The following VGLL3 variants were observed in gnomAD, a reference collection of about 807,000 sequenced individuals.
VGLL3 encodes the protein vestigial like family member 3, also known as transcription cofactor vestigial-like protein 3.
VGLL3 carries 18 observed loss-of-function variants against 29.2 expected under a neutral mutation model. The observed-to-expected ratio is 0.62, with a 90% CI of 0.43 to 0.91. The LOEUF is 0.91. VGLL3 is among the 40% of genes least tolerant of loss of function. VGLL3 has a pLI of 0.00. For synonymous variants in VGLL3, 180 were observed against 151.8 expected (o/e 1.19, Z -1.36); for missense variants, 440 against 413.2 (o/e 1.06, Z -0.56).
chr3:86,975,029 A>T (rs1705179282), intron 2 of VGLL3, among the ~76,000 whole-genome samples: 1 of 152,226 alleles, frequency 6.6e-6, no homozygotes. Flanking sequence ...TTATTCATAT[A>T]CATTATTTAA....
intron 3 of VGLL3, among the ~76,000 whole-genome samples, chr3:86,952,075 TG>T (rs1391683957): frequency 6.6e-6 from 1 of 152,146 alleles, no homozygotes; most frequent in African/African-American, 2.4e-5. Flanking sequence ...ACTTATCAAC[TG>T]GACAGTTTTT....
intron 3 of VGLL3, among the ~76,000 whole-genome samples, chr3:86,966,512 CA>C (rs1020988731): frequency 7.9e-5 from 12 of 151,834 alleles, no homozygotes; most frequent in Non-Finnish European, 1.8e-4. Flanking sequence ...GCCACACATG[CA>C]ATAGGAAAAC....
Position 86,968,980 on chromosome 3 carries a change from C to T in VGLL3, c.547G>A (p.Asp183Asn). The T allele has an allele frequency of 6.2e-7, 1 of 1,614,072 alleles. No individual in the cohort carries two copies. Among genetic ancestry groups the T allele is most frequent in the Non-Finnish European group, 8.5e-7 (1 of 1,180,008 alleles). The change falls in exon 3 of 4, where the codon GAT becomes AAT. Residue 183 changes from aspartate to asparagine, a missense_variant. Physicochemically the swap from Asp to Asn is conservative, Grantham distance 23 (BLOSUM62 1). Coordinates refer to ENST00000398399, the MANE Select transcript of VGLL3 (RefSeq NM_016206.4). ...TGPPGTFSAA[D>N]PSPWPGHNLH... ...TTGTGTCCCGGCCAAGGACTGGGAT[C>T]AGCTGCAGAAAAGGTGCCAGGGGGT...
chr3:86,940,428 T>C lies in VGLL3; in HGVS notation c.*6596A>G, dbSNP rs573246839. On this transcript the variant is annotated 3_prime_UTR_variant, in exon 4 of 4. Coordinates refer to ENST00000398399, the MANE Select transcript of VGLL3 (RefSeq NM_016206.4). ...CCCCATTTCATTTTCTTTTCCATTATAAACATGTATTTTATAATCTATTCC... is the reference window on the plus strand; with the variant it reads ...CCCCATTTCATTTTCTTTTCCATTACAAACATGTATTTTATAATCTATTCC... 1.2e-4 allele frequency: 19 copies of C among 152,774 alleles called. No individual in the cohort carries two copies. The East Asian group carries it at 3.7e-3, about 29-fold the overall frequency. The allele number at this position is 152,774 out of a possible 1,614,324, so 9.5% of individuals were successfully genotyped here.
intron 3 of VGLL3, among the ~76,000 whole-genome samples, chr3:86,951,490 G>A (rs1297795546): frequency 6.6e-6 from 1 of 152,118 alleles, no homozygotes; most frequent in Non-Finnish European, 1.5e-5. Flanking sequence ...GTACCTGGGG[G>A]CTAAGATTTC....
chr3:86,961,120 T>C (rs112437544), intron 3 of VGLL3, among the ~76,000 whole-genome samples: 2 of 152,064 alleles, frequency 1.3e-5, no homozygotes, highest in African/African-American at 4.8e-5. Context: ...TATAACAAAA[T>C]TGTAGCTAAA....
intron 3 of VGLL3, among the ~76,000 whole-genome samples, chr3:86,955,193 C>A (rs1201389237): frequency 1.3e-5 from 2 of 152,040 alleles, no homozygotes; most frequent in African/African-American, 4.8e-5. Flanking sequence ...ATTTACTACT[C>A]CAAAATTTTC....
chr3:86,988,714 A>AACAAGCCATTTTAGT lies in VGLL3; in HGVS notation c.126+1903_126+1904insACTAAAATGGCTTGT, dbSNP rs1559736775. 2.3e-4 allele frequency among the ~76,000 whole-genome samples: 27 copies of AACAAGCCATTTTAGT among 115,732 alleles called. 8 individuals carry two copies. Among genetic ancestry groups the AACAAGCCATTTTAGT allele is most frequent in the African/African-American group, 6.4e-4 (21 of 32,886 alleles). The allele number at this position is 115,732 out of a possible 152,430, so 75.9% of individuals were successfully genotyped here. A position where few individuals can be genotyped will look rare whatever the true frequency, so the allele number is the denominator to read the frequency against. On this transcript the variant is annotated intron_variant, in intron 1 of 3. Transcript: ENST00000398399. The stretch of plus-strand genomic sequence containing the variant: ...GAAGAAGAAGGAGAAGAAAAAGAAG[A>AACAAGCCATTTTAGT]AAAAGCAACATGAAAATTTCCAAGC...
At position 86,968,997 on chromosome 3, in the gene VGLL3, C is replaced by T. The variant is rs1457942002; in HGVS notation, c.530G>A (p.Gly177Asp). ...ACTGGGATCAGCTGCAGAAAAGGTG[C>T]CAGGGGGTCCAGTGACCTGGAAGTC... The part of the protein sequence containing the change: ...HPDFQVTGPP[G>D]TFSAADPSPW... The change falls in exon 3 of 4, where the codon GGC becomes GAC. Residue 177 changes from glycine to aspartate, a missense_variant. Coordinates refer to ENST00000398399, the MANE Select transcript of VGLL3 (RefSeq NM_016206.4). 6.2e-7 allele frequency: 1 copy of T among 1,614,008 alleles called. No homozygotes were observed. Among genetic ancestry groups the T allele is most frequent in the Admixed American group, 1.7e-5 (1 of 60,014 alleles).
chr3:86,964,347 A>T (rs1704916548), intron 3 of VGLL3, among the ~76,000 whole-genome samples: 1 of 152,234 alleles, frequency 6.6e-6, no homozygotes, highest in Non-Finnish European at 1.5e-5. Flanking sequence ...CCCCTGGATT[A>T]TGCCATACAT....
At chr3:86,965,263 A>G (rs1235877954) in intron 3 of VGLL3, among the ~76,000 whole-genome samples, 2 of 152,176 alleles carry the variant, frequency 1.3e-5, no homozygotes, top group Non-Finnish European at 2.9e-5. Flanking sequence ...AAAATGACCT[A>G]TATTTTAATG....
rs528499706 is a variant in VGLL3, at chr3:86,967,359, C to T, written c.937+1231G>A. Among the ~76,000 whole-genome samples the T allele has an allele frequency of 4.6e-5, 7 of 152,276 alleles. No individual in the cohort carries two copies. The South Asian group carries it at 8.3e-4, about 18-fold the overall frequency. On this transcript the variant is annotated intron_variant, in intron 3 of 3. Transcript: ENST00000398399. ...AGCCTGTGCCTGCTGTGCCATCACA[C>T]ACGCATCTGCAGAGGGATTACCAAG...
In VGLL3 at chr3:86,938,598, C is replaced by T. The variant is rs1704326252; in HGVS notation, c.*8426G>A. Reference sequence around the variant, plus strand: ...TGTTCTTCATTCAGTCACAGCCAAACTTGGTATGGAAAGTAAAACAGTTGT... The same window carrying T: ...TGTTCTTCATTCAGTCACAGCCAAATTTGGTATGGAAAGTAAAACAGTTGT... On this transcript the variant is annotated 3_prime_UTR_variant, in exon 4 of 4. Coordinates refer to ENST00000398399, the MANE Select transcript of VGLL3 (RefSeq NM_016206.4). 3 of 152,756 alleles carry T rather than the reference C, an allele frequency of 2.0e-5. No individual in the cohort carries two copies. The South Asian group carries it at 6.2e-4, about 32-fold the overall frequency. The allele number at this position is 152,756 out of a possible 1,614,324, so 9.5% of individuals were successfully genotyped here. A position where few individuals can be genotyped will look rare whatever the true frequency, so the allele number is the denominator to read the frequency against.
rs1191005313 is a variant in VGLL3, at chr3:86,944,535, GC to G, written c.*2488del. On this transcript the variant is annotated 3_prime_UTR_variant, in exon 4 of 4. Transcript: ENST00000398399. Reference sequence around the variant, plus strand: ...TATAATACTAGGATTACAGGCATGAGCTGCTGTGCCCAGCCTGGGTCCTGTT... The same window carrying G: ...TATAATACTAGGATTACAGGCATGAGTGCTGTGCCCAGCCTGGGTCCTGTT... 6.6e-6 allele frequency: 1 copy of G among 152,438 alleles called. No homozygotes were observed. Among genetic ancestry groups the G allele is most frequent in the Non-Finnish European group, 1.5e-5 (1 of 68,252 alleles). The allele number at this position is 152,438 out of a possible 1,614,324, so 9.4% of individuals were successfully genotyped here.
intron 3 of VGLL3, among the ~76,000 whole-genome samples, chr3:86,958,821 G>A (rs1040306767): frequency 2.0e-5 from 3 of 151,936 alleles, no homozygotes; most frequent in South Asian, 4.2e-4. Flanking sequence ...TTCTGGACAC[G>A]TGCCCTACAC....
At chr3:86,972,189 G>T (rs774885005) in intron 2 of VGLL3, among the ~76,000 whole-genome samples, 2 of 152,142 alleles carry the variant, frequency 1.3e-5, no homozygotes, top group Non-Finnish European at 2.9e-5. Flanking sequence ...GTCTATTTAT[G>T]AAGTACTGTA....
intron 2 of VGLL3, among the ~76,000 whole-genome samples, chr3:86,970,483 G>GCA (rs10694503): frequency 0.078 from 11,060 of 141,022 alleles, 447 homozygotes; most frequent in South Asian, 0.13. Context: ...TTACACACAC[G>GCA]CACACACACA....
In VGLL3 at chr3:86,964,973, C is replaced by T. The variant is rs551905687; in HGVS notation, c.937+3617G>A. On this transcript the variant is annotated intron_variant, in intron 3 of 3. Transcript: ENST00000398399. ...AGGAGTTCGAGACCAGCCTGGCCAACATAGTGAAACCCCATCTCTACTAAA... is the reference window on the plus strand; with the variant it reads ...AGGAGTTCGAGACCAGCCTGGCCAATATAGTGAAACCCCATCTCTACTAAA... Among the ~76,000 whole-genome samples, 5 of 152,144 alleles carry T rather than the reference C, an allele frequency of 3.3e-5. No homozygotes were observed. The East Asian group carries it at 7.8e-4, about 24-fold the overall frequency.
chr3:86,978,907 G>T, intron 1 of VGLL3, 105 bp from the exon 2 acceptor site: 1 of 1,261,372 alleles, frequency 7.9e-7, no homozygotes, highest in Non-Finnish European at 1.1e-6. Context: ...ATTAACATAT[G>T]TTTGCAAACT....
Sources: allele counts gnomAD v4.1 joint callset (sites outside exome capture counted in the v4.1 genomes callset), GRCh38; gene constraint gnomAD v4.1.1; transcripts MANE v1.5; gene names NCBI Gene and HGNC (gene_info 2026-07-23, HGNC 2026-07-21).